PHYHD1: variants seen among roughly 807,000 people sequenced by gnomAD.
The protein encoded by PHYHD1 is phytanoyl-CoA dioxygenase domain-containing protein 1.
Under a neutral mutation model 43.6 loss-of-function variants are expected in PHYHD1, and 42 were observed. The ratio of observed to expected loss-of-function variants is 0.96; its 90% CI spans 0.75 to 1.25. The LOEUF is 1.25. Among genes scored for constraint, PHYHD1 ranks in the 50% most tolerant of loss-of-function variants. The pLI is 0.00. For synonymous variants in PHYHD1, 139 were observed against 143.6 expected, an observed-to-expected ratio of 0.97 and a Z score of 0.23; for missense variants, 342 against 370.8, an observed-to-expected ratio of 0.92 and a Z score of 0.64.
chr9:128,933,767 G>T lies in PHYHD1; in HGVS notation c.193-15G>T. ...CAGGATGCTGTCTCAGTCCTCTGAT[G>T]TCCCCTTTCCACAGGGCAGCACAGA... On this transcript the variant is annotated splice_polypyrimidine_tract_variant and intron_variant, in intron 4 of 12. Transcript: ENST00000372592. 2 of 1,613,044 alleles carry T rather than the reference G, an allele frequency of 1.2e-6. No individual in the cohort carries two copies. The highest frequency in any genetic ancestry group is 1.7e-6 in the Non-Finnish European group (2 of 1,179,002).
intron 5 of PHYHD1, 42 bp from the exon 6 acceptor site, chr9:128,933,969 T>C (rs764820562): frequency 1.2e-6 from 2 of 1,610,886 alleles, no homozygotes; most frequent in Non-Finnish European, 1.7e-6. Flanking sequence ...CATGGAAGGC[T>C]GGACACCAGT....
intron 8 of PHYHD1, 63 bp downstream of exon 8, chr9:128,936,708 C>A: frequency 6.6e-7 from 1 of 1,513,424 alleles, no homozygotes; most frequent in South Asian, 1.2e-5. Context: ...TCATACCAAG[C>A]CCTTCCTTAC....
intron 4 of PHYHD1, among the ~76,000 whole-genome samples, chr9:128,928,661 C>A (rs1215533460): frequency 6.6e-6 from 1 of 151,990 alleles, no homozygotes; most frequent in African/African-American, 2.4e-5. Context: ...CAAGATCATG[C>A]CACTGCACTC....
At chr9:128,937,251 CA>C (rs932046749) in intron 8 of PHYHD1, among the ~76,000 whole-genome samples, 5 of 148,918 alleles carry the variant, frequency 3.4e-5, no homozygotes, top group African/African-American at 1.2e-4. Flanking sequence ...CCATTCTCCA[CA>C]AAAAGGAAGA....
rs746184903 is a variant in PHYHD1 at position 128,936,688 on chromosome 9, G to C, written c.435+43G>C. On this transcript the variant is annotated intron_variant, in intron 8 of 12. Coordinates refer to ENST00000372592, the MANE Select transcript of PHYHD1 (RefSeq NM_001100876.2). ...GCCTCAGTTTACCATCTGTAAAATG[G>C]GCAGACTGCTCATACCAAGCCCTTC... The C allele has an allele frequency of 2.6e-6, 4 of 1,538,586 alleles. No homozygotes were observed. The African/African-American group carries it at 5.5e-5, about 21-fold the overall frequency.
In PHYHD1 at chr9:128,922,303, C is replaced by T. The variant is rs924479879; in HGVS notation, c.-21C>T. 6.4e-7 allele frequency: 1 copy of T among 1,551,244 alleles called. No homozygotes were observed. The highest frequency in any genetic ancestry group is 8.7e-7 in the Non-Finnish European group (1 of 1,147,204). ...ACCAGGAGGCCGCGCTTAGAAGCCG[C>T]CCAGTGCCCTGAGCGTCTCCATGGC... is the stretch of plus-strand genomic sequence containing the variant. On this transcript the variant is annotated 5_prime_UTR_variant, in exon 3 of 13. Coordinates refer to ENST00000372592, the MANE Select transcript of PHYHD1 (RefSeq NM_001100876.2).
chr9:128,935,652 C>T (rs1227127061), intron 6 of PHYHD1, among the ~76,000 whole-genome samples: 1 of 151,904 alleles, frequency 6.6e-6, no homozygotes, highest in Admixed American at 6.6e-5. Context: ...GCCTGTAATC[C>T]CAGCACTTTG....
At chr9:128,928,333 G>A (rs1417580120) in intron 4 of PHYHD1, among the ~76,000 whole-genome samples, 1 of 152,174 alleles carries the variant, frequency 6.6e-6, no homozygotes, top group African/African-American at 2.4e-5. Context: ...CTAGGAGTAA[G>A]AAGGGCCGAA....
intron 4 of PHYHD1, among the ~76,000 whole-genome samples, chr9:128,933,263 C>G (rs1165129859): frequency 1.3e-5 from 2 of 150,054 alleles, no homozygotes; most frequent in Non-Finnish European, 1.5e-5. Flanking sequence ...AAGTTATTCT[C>G]CTGCCTCAGC....
chr9:128,935,092 T>A (rs17455224), intron 6 of PHYHD1, among the ~76,000 whole-genome samples: 8 of 152,304 alleles, frequency 5.3e-5, no homozygotes, highest in Non-Finnish European at 1.0e-4. Context: ...TTTAGGATCA[T>A]ACATTATAAT....
chr9:128,937,828 A>C lies in PHYHD1; in HGVS notation c.457+50A>C, dbSNP rs747815704. 7 of 1,613,618 alleles carry C rather than the reference A, an allele frequency of 4.3e-6. No homozygotes were observed. The African/African-American group carries it at 9.3e-5, about 22-fold the overall frequency. ...GAAAAGGCCATGGGTGGGACATCTAAGACAGCAATGGTTCTCAGATCTTCA... is the reference window on the plus strand; with the variant it reads ...GAAAAGGCCATGGGTGGGACATCTACGACAGCAATGGTTCTCAGATCTTCA... On this transcript the variant is annotated intron_variant, in intron 9 of 12. Coordinates refer to ENST00000372592, the MANE Select transcript of PHYHD1 (RefSeq NM_001100876.2).
chr9:128,942,000 A>C lies in PHYHD1; in HGVS notation c.*287A>C. The stretch of plus-strand genomic sequence containing the variant: ...CCTCTCAGATGGAACTCTGGTTATT[A>C]TGGTGTTAGTTATCGAATAAAAACG... On this transcript the variant is annotated 3_prime_UTR_variant, in exon 13 of 13. Transcript: ENST00000372592. 1 of 483,726 alleles carries C rather than the reference A, an allele frequency of 2.1e-6. No individual in the cohort carries two copies. The highest frequency in any genetic ancestry group is 3.7e-6 in the Non-Finnish European group (1 of 269,440). 30.0% of individuals were successfully genotyped at this position (483,726 alleles called of 1,614,324 possible). A position where few individuals can be genotyped will look rare whatever the true frequency, so the allele number is the denominator to read the frequency against.
At position 128,940,730 on chromosome 9, in the gene PHYHD1, AG is replaced by A. The variant is rs755875916; in HGVS notation, c.703+18del. ...AGTGCAGAGAGGTAGGCAGATGCAG[AG>A]GGCAGAGAGGCAGGGGGCTGAGTCC... On this transcript the variant is annotated intron_variant, in intron 11 of 12. Transcript: ENST00000372592. 7.5e-6 allele frequency: 12 copies of A among 1,610,642 alleles called. No homozygotes were observed. The African/African-American group carries it at 1.5e-4, about 20-fold the overall frequency.
chr9:128,926,541 CCTTTTT>C (rs1841138146), intron 3 of PHYHD1, among the ~76,000 whole-genome samples: 1 of 149,762 alleles, frequency 6.7e-6, no homozygotes, highest in South Asian at 2.1e-4. Context: ...TGCCCAGCTT[CCTTTTT>C]CTTTTTCTTT....
Position 128,940,410 on chromosome 9 carries a change from CT to C in PHYHD1, c.500del (p.Leu167ArgfsTer139), listed in dbSNP as rs1564543438. On this transcript the variant is annotated frameshift_variant, in exon 10 of 13. Transcript: ENST00000372592. LOFTEE classifies it high-confidence loss of function. ...CGCCTCCTTCCTGTACACGGAGCCC[CT>C]GGGCCGGGTGCTGGGCGTGTGGATC... ...QDASFLYTEP[L>X]GRVLGVWIAV... The C allele has an allele frequency of 1.9e-6, 3 of 1,614,218 alleles. No individual in the cohort carries two copies. The highest frequency in any genetic ancestry group is 1.7e-5 in the Admixed American group (1 of 60,024).
chr9:128,926,558 CTTTT>C (rs56677426), intron 3 of PHYHD1, among the ~76,000 whole-genome samples: 3 of 119,112 alleles, frequency 2.5e-5, no homozygotes, highest in African/African-American at 6.2e-5. Context: ...CTTTTTCTTT[CTTTT>C]TTTTTTTTTT....
chr9:128,937,849 C>G, intron 9 of PHYHD1, 71 bp downstream of exon 9: 1 of 1,611,616 alleles, frequency 6.2e-7, no homozygotes, highest in South Asian at 1.1e-5. Flanking sequence ...GTTCTCAGAT[C>G]TTCAGAAGGA....
intron 4 of PHYHD1, among the ~76,000 whole-genome samples, chr9:128,931,829 T>C (rs1024859777): frequency 9.6e-4 from 118 of 123,232 alleles, no homozygotes; most frequent in African/African-American, 3.5e-3. Context: ...GCCCGGCCTT[T>C]CTTTCTTTCT....
chr9:128,936,636 C>T lies in PHYHD1; in HGVS notation c.426C>T (p.Tyr142=). Residue 142 remains tyrosine, a synonymous_variant, in exon 8 of 13, where the codon TAC becomes TAT. Transcript: ENST00000372592. ...LQMPVVVQSM[Y]IFKQPHFGGE... Reference sequence around the variant, plus strand: ...TGCCCGTGGTGGTGCAGAGCATGTACATCTTTAAGGTGAGCTCCTTGTCCT... The same window carrying T: ...TGCCCGTGGTGGTGCAGAGCATGTATATCTTTAAGGTGAGCTCCTTGTCCT... 3 of 1,553,826 alleles carry T rather than the reference C, an allele frequency of 1.9e-6. No individual in the cohort carries two copies. Among genetic ancestry groups the T allele is most frequent in the Non-Finnish European group, 2.6e-6 (3 of 1,148,116 alleles).
Sources: gnomAD v4.1 joint callset for allele counts (sites outside exome capture counted in the v4.1 genomes callset) on GRCh38, gnomAD v4.1.1 for gene constraint, MANE v1.5 for transcripts, NCBI Gene and HGNC (gene_info 2026-07-23, HGNC 2026-07-21) for gene names.